NCAM2: variants seen among roughly 807,000 people sequenced by gnomAD.
NCAM2 encodes the protein N-CAM-2.
In NCAM2, 30 loss-of-function variants were observed where a neutral mutation model predicts 98.1. That is an observed-to-expected ratio of 0.31 (90% CI 0.23 to 0.41). The LOEUF (loss-of-function observed/expected upper bound fraction) is 0.41, where lower values mean the gene tolerates loss of function less well. Among genes scored for constraint, NCAM2 ranks in the 10% least tolerant of loss-of-function variants. The pLI is 1.00. For synonymous variants in NCAM2, 368 were observed against 342.4 expected, an observed-to-expected ratio of 1.07 and a Z score of -0.83; for missense variants, 867 against 1,005.8, an observed-to-expected ratio of 0.86 and a Z score of 1.87.
chr21:21,455,486 A>G (rs1982004392), intron 12 of NCAM2, among the ~76,000 whole-genome samples: 1 of 151,990 alleles, frequency 6.6e-6, no homozygotes, highest in African/African-American at 2.4e-5. Flanking sequence ...CATGCTCATA[A>G]GAAAATAAAT....
intron 1 of NCAM2, among the ~76,000 whole-genome samples, chr21:21,123,513 C>G (rs2066720918): frequency 6.6e-6 from 1 of 152,120 alleles, no homozygotes; most frequent in African/African-American, 2.4e-5. Flanking sequence ...TTTCCTCAGT[C>G]TAATCCCACC....
intron 16 of NCAM2, among the ~76,000 whole-genome samples, chr21:21,530,678 T>G (rs1486789469): frequency 2.0e-5 from 3 of 151,894 alleles, no homozygotes; most frequent in African/African-American, 7.2e-5. Flanking sequence ...AATCTCTTCC[T>G]CATTCTTTTC....
At chr21:21,143,597 C>T (rs1178866442) in intron 1 of NCAM2, among the ~76,000 whole-genome samples, 2 of 152,086 alleles carry the variant, frequency 1.3e-5, no homozygotes, top group African/African-American at 4.8e-5. Context: ...TACCCTGATG[C>T]ACAATATGAT....
intron 1 of NCAM2, among the ~76,000 whole-genome samples, chr21:21,034,153 T>C (rs1568949833): frequency 6.6e-6 from 1 of 152,102 alleles, no homozygotes; most frequent in South Asian, 2.1e-4. Flanking sequence ...TAGGTCAGTT[T>C]GTTAAACAGC....
intron 1 of NCAM2, among the ~76,000 whole-genome samples, chr21:21,054,313 A>G (rs2065171356): frequency 6.6e-6 from 1 of 152,050 alleles, no homozygotes; most frequent in Non-Finnish European, 1.5e-5. Flanking sequence ...ATATTCAAAC[A>G]GATGGGTTAT....
chr21:21,020,068 G>A (rs1449891215), intron 1 of NCAM2, among the ~76,000 whole-genome samples: 1 of 151,264 alleles, frequency 6.6e-6, no homozygotes, highest in Admixed American at 6.6e-5. Context: ...ATGCTGTCTC[G>A]CACTGCTGCC....
intron 11 of NCAM2, among the ~76,000 whole-genome samples, chr21:21,424,967 C>T (rs2077182627): frequency 1.5e-5 from 2 of 133,040 alleles, no homozygotes; most frequent in African/African-American, 5.7e-5. Context: ...ATCCAGGAGG[C>T]GGAAGTTGCA....
intron 1 of NCAM2, among the ~76,000 whole-genome samples, chr21:21,241,335 T>C (rs2071057774): frequency 0.014 from 1 of 74 alleles, no homozygotes. Flanking sequence ...TAAATTATTC[T>C]AAATGAGAAA....
At chr21:21,068,135 C>CTTTTTTTTT (rs68078560) in intron 1 of NCAM2, among the ~76,000 whole-genome samples, 3 of 88,560 alleles carry the variant, frequency 3.4e-5, no homozygotes, top group East Asian at 2.8e-4. Flanking sequence ...ACTTTTTTTT[C>CTTTTTTTTT]TTTTTTTTTT....
chr21:21,191,950 G>A (rs906091937), intron 1 of NCAM2, among the ~76,000 whole-genome samples: 3 of 152,122 alleles, frequency 2.0e-5, no homozygotes, highest in Admixed American at 6.5e-5. Context: ...GGCTGGGTGC[G>A]GTGGCTCATC....
intron 8 of NCAM2, among the ~76,000 whole-genome samples, chr21:21,365,254 TG>T (rs2075758110): frequency 6.6e-6 from 1 of 151,416 alleles, no homozygotes; most frequent in African/African-American, 2.4e-5. Context: ...TGTGTGTGTG[TG>T]TGTGTGTGTG....
At chr21:21,337,247 G>T (rs1046334089) in intron 7 of NCAM2, among the ~76,000 whole-genome samples, 6 of 151,904 alleles carry the variant, frequency 3.9e-5, no homozygotes, top group Non-Finnish European at 5.9e-5. Flanking sequence ...AAAGAAAAAA[G>T]ATTTTTTACA....
At chr21:21,460,631 C>T (rs944146808) in intron 12 of NCAM2, among the ~76,000 whole-genome samples, 1 of 151,850 alleles carries the variant, frequency 6.6e-6, no homozygotes, top group Non-Finnish European at 1.5e-5. Context: ...TTTTTAAAAA[C>T]ATAAATTCAA....
chr21:21,026,445 G>A (rs2064546599), intron 1 of NCAM2, among the ~76,000 whole-genome samples: 1 of 151,996 alleles, frequency 6.6e-6, no homozygotes, highest in African/African-American at 2.4e-5. Context: ...GATCACCTGA[G>A]GTCGGGAGTT....
At chr21:21,095,185 G>A (rs1019747061) in intron 1 of NCAM2, among the ~76,000 whole-genome samples, 20 of 151,634 alleles carry the variant, frequency 1.3e-4, no homozygotes, top group Non-Finnish European at 2.7e-4. Context: ...GTATAAATCA[G>A]CAAATTGATT....
intron 11 of NCAM2, among the ~76,000 whole-genome samples, chr21:21,418,946 A>G (rs2077049296): frequency 6.6e-6 from 1 of 152,166 alleles, no homozygotes; most frequent in African/African-American, 2.4e-5. Context: ...AGATTTGATC[A>G]TTATATATTG....
chr21:21,121,076 CTG>C (rs1044055420), intron 1 of NCAM2, among the ~76,000 whole-genome samples: 2 of 152,110 alleles, frequency 1.3e-5, no homozygotes, highest in Non-Finnish European at 2.9e-5. Flanking sequence ...CTTTATATCT[CTG>C]TTGGATTTCT....
intron 1 of NCAM2, among the ~76,000 whole-genome samples, chr21:21,192,845 G>C (rs1479092250): frequency 1.3e-5 from 2 of 152,130 alleles, no homozygotes; most frequent in Admixed American, 1.3e-4. Context: ...CACAAGAAGA[G>C]TCTTGAAAGA....
chr21:21,108,888 G>A (rs1427509928), intron 1 of NCAM2, among the ~76,000 whole-genome samples: 2 of 152,050 alleles, frequency 1.3e-5, no homozygotes, highest in Admixed American at 1.3e-4. Flanking sequence ...AACTTATAGG[G>A]TAAATCAACC....
Sources: allele counts gnomAD v4.1 joint callset (sites outside exome capture counted in the v4.1 genomes callset), GRCh38; gene constraint gnomAD v4.1.1; transcripts MANE v1.5; gene names NCBI Gene and HGNC (gene_info 2026-07-23, HGNC 2026-07-21).